MAGOH: variants seen among roughly 807,000 people sequenced by gnomAD.
The protein encoded by MAGOH is protein mago nashi homolog.
MAGOH carries 3 observed loss-of-function variants against 20.9 expected under a neutral mutation model. The observed-to-expected ratio is 0.14, with a 90% CI of 0.07 to 0.37. The LOEUF (loss-of-function observed/expected upper bound fraction) is 0.37, where lower values mean the gene tolerates loss of function less well. Ranked by LOEUF, MAGOH falls within the 10% of genes least tolerant of loss-of-function variation. The probability of loss-of-function intolerance (pLI) is 1.00; values close to 1 mark genes in which losing one functional copy is unlikely to be tolerated. For synonymous variants in MAGOH, 51 were observed against 61.0 expected, an observed-to-expected ratio of 0.84 and a Z score of 0.76; for missense variants, 66 against 178.1, an observed-to-expected ratio of 0.37 and a Z score of 3.58.
intron 3 of MAGOH, chr1:53,233,090 G>C (rs1045575585): frequency 6.5e-6 from 1 of 153,822 alleles, no homozygotes; most frequent in Non-Finnish European, 1.4e-5. Flanking sequence ...GACAGAGCGA[G>C]ACTCCAACTC....
chr1:53,234,370 A>T (rs906827300), intron 2 of MAGOH, among the ~76,000 whole-genome samples: 40 of 140,058 alleles, frequency 2.9e-4, no homozygotes, highest in Admixed American at 2.2e-4. Context: ...TGCCCTGGTT[A>T]TTCTTTTTTT....
chr1:53,229,204 T>TC (rs1645574388), intron 3 of MAGOH, among the ~76,000 whole-genome samples: 1 of 151,726 alleles, frequency 6.6e-6, no homozygotes, highest in East Asian at 1.9e-4. Context: ...TAGGTTTTTT[T>TC]TTTTTTTTTC....
At chr1:53,227,577 G>A (rs967792007) in intron 4 of MAGOH, among the ~76,000 whole-genome samples, 5 of 152,082 alleles carry the variant, frequency 3.3e-5, no homozygotes, top group African/African-American at 1.2e-4. Context: ...TTTTGCTCTT[G>A]TTGCCCAGGC....
chr1:53,232,121 AGTGGT>A (rs1645589043), intron 3 of MAGOH, among the ~76,000 whole-genome samples: 1 of 152,208 alleles, frequency 6.6e-6, no homozygotes, highest in South Asian at 2.1e-4. Context: ...AAATTTTATA[AGTGGT>A]AAAGCAAAAT....
In MAGOH at chr1:53,227,013, A is replaced by AC; in HGVS notation, c.*31dup. 2 of 626,810 alleles carry AC rather than the reference A, an allele frequency of 3.2e-6. No individual in the cohort carries two copies. Among genetic ancestry groups the AC allele is most frequent in the Admixed American group, 3.1e-5 (1 of 31,866 alleles). 38.8% of individuals were successfully genotyped at this position (626,810 alleles called of 1,614,324 possible). On this transcript the variant is annotated 3_prime_UTR_variant, in exon 5 of 5. Coordinates refer to ENST00000371470, the MANE Select transcript of MAGOH (RefSeq NM_002370.4). Reference sequence around the variant, plus strand: ...GATATACACAAAATTTTCTACTCCCACCCACCCCCCATGTCCACACCAATA... The same window carrying AC: ...GATATACACAAAATTTTCTACTCCCACCCCACCCCCCATGTCCACACCAATA...
intron 2 of MAGOH, 125 bp from the exon 3 acceptor site, chr1:53,233,777 G>A: frequency 1.5e-6 from 1 of 684,328 alleles, no homozygotes; most frequent in Non-Finnish European, 2.6e-6. Flanking sequence ...TAAGTGGGAA[G>A]ACATTCATGC....
At chr1:53,233,268 AT>A in intron 3 of MAGOH, 1 of 267,384 alleles carries the variant, frequency 3.7e-6, no homozygotes, top group Non-Finnish European at 7.0e-6. Flanking sequence ...AGTGGCTTTT[AT>A]TTTTTAGTTA....
At chr1:53,231,235 C>T (rs1165991119) in intron 3 of MAGOH, among the ~76,000 whole-genome samples, 2 of 152,206 alleles carry the variant, frequency 1.3e-5, no homozygotes, top group Admixed American at 1.3e-4. Flanking sequence ...AACCTTTGCA[C>T]ATTCTGCCAC....
intron 1 of MAGOH, among the ~76,000 whole-genome samples, chr1:53,236,820 C>T (rs1645612632): frequency 6.6e-6 from 1 of 152,190 alleles, no homozygotes. Flanking sequence ...TCTTTGATTG[C>T]TCTTTCCTTC....
intron 1 of MAGOH, among the ~76,000 whole-genome samples, chr1:53,236,717 T>G (rs989238635): frequency 6.6e-6 from 1 of 152,196 alleles, no homozygotes. Context: ...ACACCTAATG[T>G]GCTGTTTTAT....
intron 3 of MAGOH, among the ~76,000 whole-genome samples, chr1:53,230,123 A>T (rs889766506): frequency 6.6e-6 from 1 of 152,242 alleles, no homozygotes; most frequent in Non-Finnish European, 1.5e-5. Context: ...TGCTTTGGAC[A>T]GATAAGTAAA....
At chr1:53,235,375 T>C (rs980791639) in intron 2 of MAGOH, among the ~76,000 whole-genome samples, 8 of 152,184 alleles carry the variant, frequency 5.3e-5, no homozygotes, top group African/African-American at 1.9e-4. Flanking sequence ...TGTCAAAGGT[T>C]ACCAGTAATT....
chr1:53,236,502 T>A (rs1645611134), intron 1 of MAGOH, among the ~76,000 whole-genome samples: 1 of 152,214 alleles, frequency 6.6e-6, no homozygotes, highest in African/African-American at 2.4e-5. Context: ...ACTACTTGGT[T>A]TCTGCCTGAA....
intron 3 of MAGOH, among the ~76,000 whole-genome samples, chr1:53,231,035 C>T (rs1185220501): frequency 6.6e-6 from 1 of 152,174 alleles, no homozygotes; most frequent in Non-Finnish European, 1.5e-5. Flanking sequence ...CAAAATTACT[C>T]CCTAACGCGG....
chr1:53,227,084 G>A lies in MAGOH; in HGVS notation c.402C>T (p.Phe134=), dbSNP rs370758699. The part of the protein sequence containing the change: ...YLVQDLKCLV[F]SLIGLHFKIK... ...TCTTGAAGTGTAATCCAATAAGACT[G>A]AAGACCAAACACTTCAGGTCCTGGA... The change falls in exon 5 of 5, where the codon TTC becomes TTT. Residue 134 remains phenylalanine (F), a synonymous_variant. Coordinates refer to ENST00000371470, the MANE Select transcript of MAGOH (RefSeq NM_002370.4). The A allele has an allele frequency of 1.3e-6, 2 of 1,576,222 alleles. No individual in the cohort carries two copies. The highest frequency in any genetic ancestry group is 1.4e-5 in the African/African-American group (1 of 70,066).
intron 3 of MAGOH, among the ~76,000 whole-genome samples, chr1:53,230,125 A>T (rs1008244800): frequency 6.6e-6 from 1 of 152,238 alleles, no homozygotes; most frequent in South Asian, 2.1e-4. Flanking sequence ...CTTTGGACAG[A>T]TAAGTAAAAC....
intron 3 of MAGOH, among the ~76,000 whole-genome samples, chr1:53,229,501 G>A (rs1056264421): frequency 6.6e-6 from 1 of 152,208 alleles, no homozygotes; most frequent in South Asian, 2.1e-4. Context: ...TGATCCGCCT[G>A]CCTCAGCCTC....
chr1:53,237,500 C>T (rs1645618013), intron 1 of MAGOH, among the ~76,000 whole-genome samples: 1 of 150,788 alleles, frequency 6.6e-6, no homozygotes, highest in Non-Finnish European at 1.5e-5. Flanking sequence ...CATGGTGAAA[C>T]TCCGTCTCTA....
At chr1:53,234,845 TAAAAGG>T (rs1444637919) in intron 2 of MAGOH, among the ~76,000 whole-genome samples, 1 of 152,156 alleles carries the variant, frequency 6.6e-6, no homozygotes, top group Admixed American at 6.5e-5. Flanking sequence ...GCAAAGTGGT[TAAAAGG>T]AAAGAGTAGC....
Sources: allele counts gnomAD v4.1 joint callset (sites outside exome capture counted in the v4.1 genomes callset), GRCh38; gene constraint gnomAD v4.1.1; transcripts MANE v1.5; gene names NCBI Gene and HGNC (gene_info 2026-07-23, HGNC 2026-07-21).